Variants in LRP1B observed in about 807,000 individuals in gnomAD.
LRP1B encodes low-density lipoprotein receptor-related protein 1B.
LRP1B carries 217 observed loss-of-function variants against 556.6 expected under a neutral mutation model. The ratio of observed to expected loss-of-function variants is 0.39; its 90% CI spans 0.35 to 0.44. The LOEUF (loss-of-function observed/expected upper bound fraction) is 0.44. LRP1B is among the 20% of genes least tolerant of loss of function. LRP1B has a pLI of 1.00. For synonymous variants in LRP1B, 2,047 were observed against 1,865.8 expected (o/e 1.10, Z -2.50); for missense variants, 5,053 against 5,620.8 (o/e 0.90, Z 3.23).
rs149646345 is a variant in LRP1B at position 141,161,527 on chromosome 2, T to C, written c.1013+26894A>G. The stretch of plus-strand genomic sequence containing the variant: ...TTCTATCACCAAAATAAATGAAATA[T>C]TGTGAGACAATTCTCTATTGGGTCT... On this transcript the variant is annotated intron_variant, in intron 7 of 90. Coordinates refer to ENST00000389484, the MANE Select transcript of LRP1B (RefSeq NM_018557.3). 3.9e-3 allele frequency among the ~76,000 whole-genome samples: 591 copies of C among 152,272 alleles called. 5 individuals carry two copies. Among genetic ancestry groups the C allele is most frequent in the African/African-American group, 0.014 (568 of 41,576 alleles).
chr2:141,822,130 C>CACACACACAGAGAGAG (rs374369026), intron 1 of LRP1B, among the ~76,000 whole-genome samples: 47 of 95,894 alleles, frequency 4.9e-4, no homozygotes, highest in African/African-American at 2.1e-3. Context: ...CACACACACA[C>CACACACACAGAGAGAG]AGAGAGAGAG....
chr2:141,556,612 A>C (rs1302575043), intron 2 of LRP1B, among the ~76,000 whole-genome samples: 1 of 151,914 alleles, frequency 6.6e-6, no homozygotes, highest in African/African-American at 2.4e-5. Flanking sequence ...TTAGATACAA[A>C]TAGATCCTTA....
intron 7 of LRP1B, among the ~76,000 whole-genome samples, chr2:141,174,645 G>T (rs764070558): frequency 6.6e-6 from 1 of 152,028 alleles, no homozygotes; most frequent in Non-Finnish European, 1.5e-5. Context: ...AAACCTCTTT[G>T]CTTTATCAAT....
intron 66 of LRP1B, among the ~76,000 whole-genome samples, chr2:140,389,091 T>A (rs1346607553): frequency 6.6e-6 from 1 of 152,120 alleles, no homozygotes; most frequent in Non-Finnish European, 1.5e-5. Context: ...TATCTCATTA[T>A]TCCCTTTTTC....
Position 140,358,955 on chromosome 2 carries a change from A to G in LRP1B, c.11132-9T>C, listed in dbSNP as rs1224143265. 1.9e-6 allele frequency: 3 copies of G among 1,604,344 alleles called. No individual in the cohort carries two copies. The highest frequency in any genetic ancestry group is 1.7e-6 in the Non-Finnish European group (2 of 1,173,842). ...TGGACAAAGAAATTTGACTGAAGAA[A>G]AAGAAGAAAAAACAAAGAAGCTCCT... On this transcript the variant is annotated splice_polypyrimidine_tract_variant and intron_variant, in intron 72 of 90. Coordinates refer to ENST00000389484, the MANE Select transcript of LRP1B (RefSeq NM_018557.3).
intron 2 of LRP1B, among the ~76,000 whole-genome samples, chr2:141,801,557 C>T (rs1349795723): frequency 1.3e-5 from 2 of 152,170 alleles, no homozygotes; most frequent in South Asian, 2.1e-4. Flanking sequence ...GACAAACCTA[C>T]TTTTGAAAAG....
intron 31 of LRP1B, among the ~76,000 whole-genome samples, chr2:140,815,080 C>T (rs893538049): frequency 6.6e-6 from 1 of 151,530 alleles, no homozygotes; most frequent in African/African-American, 2.4e-5. Flanking sequence ...CACAATGCAA[C>T]CAACTGTTCC....
chr2:142,007,058 T>A (rs1461137857), intron 1 of LRP1B, among the ~76,000 whole-genome samples: 3 of 152,152 alleles, frequency 2.0e-5, no homozygotes, highest in Non-Finnish European at 2.9e-5. Flanking sequence ...GTTTAGACCA[T>A]CCCGACAAAA....
chr2:141,263,031 G>C (rs919417177), intron 3 of LRP1B, among the ~76,000 whole-genome samples: 4 of 151,650 alleles, frequency 2.6e-5, no homozygotes, highest in Admixed American at 6.6e-5. Context: ...AATATGGTAG[G>C]TATATATGCA....
rs577158562 is a variant in LRP1B, at chr2:140,971,549, G to A, written c.2887+10611C>T. On this transcript the variant is annotated intron_variant, in intron 18 of 90. Transcript: ENST00000389484. ...ATTCTCTGATCTTCTTTTAAGATAA[G>A]AATCAAGGCCAGGTGCGGTGTCTCA... Among the ~76,000 whole-genome samples the A allele has an allele frequency of 7.2e-5, 11 of 152,238 alleles. No homozygotes were observed. The South Asian group carries it at 2.3e-3, about 32-fold the overall frequency.
chr2:141,552,287 C>T (rs1327827547), intron 2 of LRP1B, among the ~76,000 whole-genome samples: 1 of 151,912 alleles, frequency 6.6e-6, no homozygotes, highest in Non-Finnish European at 1.5e-5. Flanking sequence ...TCAATTACTT[C>T]CTTCCCAAGC....
intron 7 of LRP1B, among the ~76,000 whole-genome samples, chr2:141,173,563 A>G (rs1680599435): frequency 1.3e-5 from 2 of 152,094 alleles, no homozygotes; most frequent in Non-Finnish European, 2.9e-5. Flanking sequence ...TAGCTCTTTC[A>G]GACTTAAGTG....
chr2:141,308,559 C>T (rs1174752177), intron 3 of LRP1B, among the ~76,000 whole-genome samples: 1 of 152,138 alleles, frequency 6.6e-6, no homozygotes, highest in African/African-American at 2.4e-5. Flanking sequence ...GGATTTTATA[C>T]TTTAAATGTT....
intron 2 of LRP1B, among the ~76,000 whole-genome samples, chr2:141,770,500 T>G (rs544611397): frequency 1.7e-4 from 26 of 152,370 alleles, no homozygotes; most frequent in African/African-American, 5.8e-4. Context: ...ATACCTAGAC[T>G]GCTGGCTACA....
At chr2:140,899,718 A>G (rs1694047909) in intron 23 of LRP1B, among the ~76,000 whole-genome samples, 1 of 152,214 alleles carries the variant, frequency 6.6e-6, no homozygotes, top group African/African-American at 2.4e-5. Flanking sequence ...AGAAGCACCA[A>G]TACAACACTA....
chr2:140,829,970 T>C (rs918046943), intron 31 of LRP1B, among the ~76,000 whole-genome samples: 9 of 152,024 alleles, frequency 5.9e-5, no homozygotes, highest in Admixed American at 5.2e-4. Flanking sequence ...TTAGGGACTA[T>C]TACGAACAAC....
At chr2:141,169,465 T>C (rs1465922849) in intron 7 of LRP1B, among the ~76,000 whole-genome samples, 1 of 151,968 alleles carries the variant, frequency 6.6e-6, no homozygotes, top group Non-Finnish European at 1.5e-5. Flanking sequence ...CAATGACTTA[T>C]ATCAGAATGT....
intron 47 of LRP1B, among the ~76,000 whole-genome samples, chr2:140,532,629 T>C (rs764761284): frequency 2.2e-4 from 33 of 152,044 alleles, no homozygotes; most frequent in Admixed American, 6.6e-4. Context: ...TCTCTTGACC[T>C]TGTGATATGC....
chr2:142,061,779 C>A (rs1195004885), intron 1 of LRP1B, among the ~76,000 whole-genome samples: 2 of 151,940 alleles, frequency 1.3e-5, no homozygotes, highest in South Asian at 2.1e-4. Context: ...TAAAAACTTA[C>A]AAAACTCATT....
Sources: allele counts gnomAD v4.1 joint callset (sites outside exome capture counted in the v4.1 genomes callset), GRCh38; gene constraint gnomAD v4.1.1; transcripts MANE v1.5; gene names NCBI Gene and HGNC (gene_info 2026-07-23, HGNC 2026-07-21).